TMF1: variants seen among roughly 807,000 people sequenced by gnomAD.
TMF1 encodes TATA element modulatory factor 1, also known as TATA element modulatory factor.
In TMF1, 71 loss-of-function variants were observed where a neutral mutation model predicts 126.5. The ratio of observed to expected loss-of-function variants is 0.56; its 90% CI spans 0.46 to 0.68. The LOEUF is 0.68. TMF1 is among the 30% of genes least tolerant of loss of function. The pLI, the probability that TMF1 is intolerant of heterozygous loss-of-function variation, is 0.00. For synonymous variants in TMF1, 461 were observed against 430.5 expected (o/e 1.07, Z -0.88); for missense variants, 1,259 against 1,253.2 (o/e 1.00, Z -0.07).
chr3:69,042,800 T>C lies in TMF1; in HGVS notation c.1684+7A>G, dbSNP rs748616783. On this transcript the variant is annotated splice_region_variant and intron_variant, in intron 5 of 16. Coordinates refer to ENST00000398559, the MANE Select transcript of TMF1 (RefSeq NM_007114.3). ...ATTTTTCATAGTCAACCAAATACTA[T>C]ACGCACCTTCTTCCATTAACCCTCG... 2.5e-6 allele frequency: 4 copies of C among 1,609,172 alleles called. No homozygotes were observed. The highest frequency in any genetic ancestry group is 3.4e-6 in the Non-Finnish European group (4 of 1,175,920).
At chr3:69,045,276 G>T (rs942958907) in intron 2 of TMF1, among the ~76,000 whole-genome samples, 1 of 151,860 alleles carries the variant, frequency 6.6e-6, no homozygotes. Context: ...TGGCCAACAC[G>T]GTGAAAACCA....
At chr3:69,049,197 C>A (rs2091912587) in intron 1 of TMF1, among the ~76,000 whole-genome samples, 1 of 152,046 alleles carries the variant, frequency 6.6e-6, no homozygotes, top group Non-Finnish European at 1.5e-5. Flanking sequence ...ATAGTGAGAC[C>A]CCTGTCCCTA....
In TMF1 at chr3:69,022,151, T is replaced by C. The variant is rs574429155; in HGVS notation, c.*1026A>G. 6.5e-6 allele frequency: 1 copy of C among 152,758 alleles called. No homozygotes were observed. Among genetic ancestry groups the C allele is most frequent in the Non-Finnish European group, 1.5e-5 (1 of 68,026 alleles). 9.5% of individuals were successfully genotyped at this position (152,758 alleles called of 1,614,324 possible). A position where few individuals can be genotyped will look rare whatever the true frequency, so the allele number is the denominator to read the frequency against. On this transcript the variant is annotated 3_prime_UTR_variant, in exon 17 of 17. Transcript: ENST00000398559. ...TAAAAGCTATTCTATGCTTTCCTTG[T>C]GTTTGAAATTTCAAGAAAAAATAAA...
At chr3:69,029,305 T>C (rs2091786620) in intron 11 of TMF1, among the ~76,000 whole-genome samples, 1 of 151,902 alleles carries the variant, frequency 6.6e-6, no homozygotes, top group Non-Finnish European at 1.5e-5. Flanking sequence ...AAGTGCTGGA[T>C]AACAGGCATG....
intron 11 of TMF1, among the ~76,000 whole-genome samples, chr3:69,028,820 T>A (rs1020340846): frequency 6.6e-6 from 1 of 152,174 alleles, no homozygotes; most frequent in African/African-American, 2.4e-5. Flanking sequence ...AGAAAAGACT[T>A]AAATTATACT....
In TMF1 at chr3:69,033,963, G is replaced by A. The variant is rs181843073; in HGVS notation, c.2245-259C>T. The A allele has an allele frequency of 5.6e-4, 141 of 252,760 alleles. 4 individuals carry two copies. The highest frequency in any genetic ancestry group is 6.7e-5 in the Non-Finnish European group (9 of 133,646). The allele number at this position is 252,760 out of a possible 1,614,324, so 15.7% of individuals were successfully genotyped here. Reference sequence around the variant, plus strand: ...CTCCCAGCTGGGACTACAGGTACACGCCACCACACCTGGCTAATTTTTGTA... The same window carrying A: ...CTCCCAGCTGGGACTACAGGTACACACCACCACACCTGGCTAATTTTTGTA... On this transcript the variant is annotated intron_variant, in intron 9 of 16. Coordinates refer to ENST00000398559, the MANE Select transcript of TMF1 (RefSeq NM_007114.3).
chr3:69,034,947 T>C lies in TMF1; in HGVS notation c.2244+76A>G, dbSNP rs1575813170. 8 of 1,287,204 alleles carry C rather than the reference T, an allele frequency of 6.2e-6. No homozygotes were observed. In the East Asian group the frequency reaches 1.4e-4, roughly 22 times the overall value. 79.7% of individuals were successfully genotyped at this position (1,287,204 alleles called of 1,614,324 possible). On this transcript the variant is annotated intron_variant, in intron 9 of 16. Transcript: ENST00000398559. ...AATCCTCTCAATTCCATGAACACTA[T>C]CCCACTGAGGAATTCTTTTATTTCT...
At chr3:69,041,857 A>G (rs984196319) in intron 5 of TMF1, among the ~76,000 whole-genome samples, 9 of 152,092 alleles carry the variant, frequency 5.9e-5, no homozygotes, top group African/African-American at 1.9e-4. Flanking sequence ...AGCAAGTATT[A>G]CTCTTATAAC....
In TMF1 at chr3:69,047,636, G is replaced by A. The variant is rs182902900; in HGVS notation, c.1069C>T (p.Pro357Ser). ...ELSGKGYALVPIIVNSSTPKS... is the reference protein window; with the variant it reads ...ELSGKGYALVSIIVNSSTPKS... The stretch of plus-strand genomic sequence containing the variant: ...GGAGTTGAAGAATTAACTATAATAG[G>A]CACTAAAGCATATCCCTTGCCTGAC... The change falls in exon 2 of 17, where the codon CCT (proline) becomes TCT (serine). Residue 357 changes from proline (P) to serine (S), a missense_variant. Physicochemically the swap from Pro to Ser is moderately conservative, Grantham distance 74 (BLOSUM62 -1). Coordinates refer to ENST00000398559, the MANE Select transcript of TMF1 (RefSeq NM_007114.3). 235 of 1,613,932 alleles carry A rather than the reference G, an allele frequency of 1.5e-4. No homozygotes were observed. The highest frequency in any genetic ancestry group is 5.8e-4 in the Admixed American group (35 of 60,004).
rs1156875669 is a variant in TMF1 at position 69,020,826 on chromosome 3, T to TA, written c.*2350dup. ...TGTAACTAGAAATTGTTAATACGGA[T>TA]AAAAAAAGAATGTTTAATTTTATAA... is the stretch of plus-strand genomic sequence containing the variant. On this transcript the variant is annotated 3_prime_UTR_variant, in exon 17 of 17. Transcript: ENST00000398559. The TA allele has an allele frequency of 6.6e-6, 1 of 152,124 alleles. No individual in the cohort carries two copies. The highest frequency in any genetic ancestry group is 1.9e-4 in the East Asian group (1 of 5,200). 9.4% of individuals were successfully genotyped at this position (152,124 alleles called of 1,614,324 possible).
At position 69,052,207 on chromosome 3, in the gene TMF1, G is replaced by A. The variant is rs2091935196; in HGVS notation, c.-121C>T. On this transcript the variant is annotated 5_prime_UTR_variant, in exon 1 of 17. Transcript: ENST00000398559. The stretch of plus-strand genomic sequence containing the variant: ...CACTCGGCTGGTTCTGTCAGCGTGT[G>A]GCCATTACCCCGACAGCCTCCCGCG... 1.7e-6 allele frequency: 2 copies of A among 1,177,750 alleles called. No homozygotes were observed. Among genetic ancestry groups the A allele is most frequent in the Non-Finnish European group, 2.3e-6 (2 of 864,590 alleles). The allele number at this position is 1,177,750 out of a possible 1,614,324, so 73.0% of individuals were successfully genotyped here. A position where few individuals can be genotyped will look rare whatever the true frequency, so the allele number is the denominator to read the frequency against.
intron 3 of TMF1, 68 bp from the exon 4 acceptor site, chr3:69,043,944 A>T: frequency 7.6e-7 from 1 of 1,307,296 alleles, no homozygotes; most frequent in East Asian, 2.4e-5. Context: ...CATGAGTTCA[A>T]TTCTCAAAAG....
At chr3:69,041,131 A>T (rs944062022) in intron 5 of TMF1, among the ~76,000 whole-genome samples, 2 of 152,196 alleles carry the variant, frequency 1.3e-5, no homozygotes, top group East Asian at 3.8e-4. Context: ...TTAATATTTC[A>T]AATAACTCTT....
chr3:69,051,869 C>CTACA, intron 1 of TMF1, 76 bp downstream of exon 1: 1 of 1,543,884 alleles, frequency 6.5e-7, no homozygotes, highest in Non-Finnish European at 8.7e-7. Flanking sequence ...GGACCCCTCT[C>CTACA]TACACCACTT....
chr3:69,048,472 G>C lies in TMF1; in HGVS notation c.233C>G (p.Pro78Arg), dbSNP rs1238837924. Reference protein sequence around the residue: ...TEPQSPPIASPKAITKPVRRT... With the variant: ...TEPQSPPIASRKAITKPVRRT... The stretch of plus-strand genomic sequence containing the variant: ...CCGAACTGGCTTTGTGATTGCTTTA[G>C]GAGAGGCTATTGGTGGACTCTGAGG... Residue 78 changes from proline to arginine, a missense_variant, in exon 2 of 17, where the codon CCT becomes CGT. Transcript: ENST00000398559. 2 of 1,613,990 alleles carry C rather than the reference G, an allele frequency of 1.2e-6. No homozygotes were observed. Among genetic ancestry groups the C allele is most frequent in the African/African-American group, 1.3e-5 (1 of 74,908 alleles).
At chr3:69,023,640 ATAAGTAT>A in intron 16 of TMF1, among the ~76,000 whole-genome samples, 1 of 152,108 alleles carries the variant, frequency 6.6e-6, no homozygotes. Context: ...CCATGGTGGT[ATAAGTAT>A]TACCCGGCAT....
chr3:69,027,882 A>C lies in TMF1; in HGVS notation c.2757+18T>G. ...CTAAATGGTTACACCACAAACAAAC[A>C]AAAACAAAATTCAATACCTTTTCTT... On this transcript the variant is annotated intron_variant, in intron 13 of 16. Coordinates refer to ENST00000398559, the MANE Select transcript of TMF1 (RefSeq NM_007114.3). 5 of 1,416,714 alleles carry C rather than the reference A, an allele frequency of 3.5e-6. No individual in the cohort carries two copies. Among genetic ancestry groups the C allele is most frequent in the Non-Finnish European group, 4.9e-6 (5 of 1,013,558 alleles). The allele number at this position is 1,416,714 out of a possible 1,614,324, so 87.8% of individuals were successfully genotyped here.
rs1233916594 is a variant in TMF1 at position 69,051,946 on chromosome 3, C to A, written c.141G>T (p.Pro47=). 1 of 1,612,878 alleles carries A rather than the reference C, an allele frequency of 6.2e-7. No individual in the cohort carries two copies. Among genetic ancestry groups the A allele is most frequent in the African/African-American group, 1.3e-5 (1 of 74,972 alleles). ...GAACCCCGCTCCTCTCTCTCTTACCCGGCTCTCCATACGGAATGGTCTCGG... is the reference window on the plus strand; with the variant it reads ...GAACCCCGCTCCTCTCTCTCTTACCAGGCTCTCCATACGGAATGGTCTCGG... ...IWAETIPYGE[P]GISSPVSGGW... The change falls in exon 1 of 17, where the codon CCG becomes CCT. Residue 47 remains proline, a splice_region_variant and synonymous_variant. Transcript: ENST00000398559.
At chr3:69,046,309 T>C (rs1029672080) in intron 2 of TMF1, among the ~76,000 whole-genome samples, 16 of 150,828 alleles carry the variant, frequency 1.1e-4, no homozygotes, top group Non-Finnish European at 2.1e-4. Flanking sequence ...AAAATAGTCT[T>C]ACCTGAGTTT....
Sources: allele counts gnomAD v4.1 joint callset (sites outside exome capture counted in the v4.1 genomes callset), GRCh38; gene constraint gnomAD v4.1.1; transcripts MANE v1.5; gene names NCBI Gene and HGNC (gene_info 2026-07-23, HGNC 2026-07-21).